Variants in SPG11 observed in about 807,000 individuals in gnomAD.
SPG11 encodes spatacsin.
In SPG11, 222 loss-of-function variants were observed where a neutral mutation model predicts 274.0. The observed-to-expected ratio is 0.81, with a 90% CI of 0.73 to 0.91. The LOEUF (loss-of-function observed/expected upper bound fraction) is 0.91, where lower values mean the gene tolerates loss of function less well. Ranked by LOEUF, SPG11 falls within the 40% of genes least tolerant of loss-of-function variation. SPG11 has a pLI of 0.00. For synonymous variants in SPG11, 1,144 were observed against 1,039.7 expected (o/e 1.10, Z -1.93); for missense variants, 3,114 against 2,872.7 (o/e 1.08, Z -1.92).
At position 44,643,214 on chromosome 15, in the gene SPG11, A is replaced by C. The variant is rs577316853; in HGVS notation, c.1602+5652T>G. Among the ~76,000 whole-genome samples, 116 of 152,306 alleles carry C rather than the reference A, an allele frequency of 7.6e-4. 3 individuals carry two copies. The South Asian group carries it at 0.024, about 31-fold the overall frequency. ...ACCTATGCCCATGTATAGCTGAGTT[A>C]GATTTCCTAACCTCTTTGTGCTTCA... On this transcript the variant is annotated intron_variant, in intron 7 of 39. Transcript: ENST00000261866.
intron 33 of SPG11, 74 bp downstream of exon 33, chr15:44,572,609 G>A (rs2140926695): frequency 1.9e-6 from 3 of 1,545,980 alleles, no homozygotes; most frequent in Non-Finnish European, 2.7e-6. Flanking sequence ...CCCAAATCAA[G>A]TTTTGGAGAG....
intron 20 of SPG11, among the ~76,000 whole-genome samples, chr15:44,602,751 G>A (rs1005581816): frequency 6.6e-6 from 1 of 151,762 alleles, no homozygotes; most frequent in African/African-American, 2.4e-5. Context: ...CAAAGTGCTG[G>A]GATTATAGGC....
intron 4 of SPG11, among the ~76,000 whole-genome samples, chr15:44,655,513 C>T (rs1336379006): frequency 6.6e-6 from 1 of 152,208 alleles, no homozygotes; most frequent in African/African-American, 2.4e-5. Flanking sequence ...ATCTTGTAAA[C>T]AGATTATGTA....
At chr15:44,563,340 TTTTTGTTTTG>T (rs762124198) in intron 39 of SPG11, 39 bp from the exon 40 acceptor site, 23 of 1,589,796 alleles carry the variant, frequency 1.4e-5, no homozygotes, top group Non-Finnish European at 1.6e-5. Flanking sequence ...AAGATACTGT[TTTTTGTTTTG>T]TTTTGTTTGA....
intron 10 of SPG11, among the ~76,000 whole-genome samples, chr15:44,627,878 C>T (rs185015371): frequency 1.6e-4 from 25 of 152,266 alleles, no homozygotes; most frequent in African/African-American, 4.3e-4. Context: ...CGTGAGCCAC[C>T]GTACCCGGAT....
chr15:44,646,598 T>C (rs112234220), intron 7 of SPG11, among the ~76,000 whole-genome samples: 7,154 of 152,178 alleles, frequency 0.047, 434 homozygotes, highest in African/African-American at 0.13. Flanking sequence ...CCATATCAAC[T>C]GGATAAAGAA....
At position 44,573,651 on chromosome 15, in the gene SPG11, C is replaced by T. The variant is rs750101301; in HGVS notation, c.6101G>A (p.Arg2034Gln). Residue 2034 changes from arginine (R) to glutamine (Q), a missense_variant, in exon 32 of 40, where the codon CGA becomes CAA. By Grantham distance (43) the Arg-to-Gln change is conservative. Coordinates refer to ENST00000261866, the MANE Select transcript of SPG11 (RefSeq NM_025137.4). ...CTGTGTGCTGATGAAGGCCTGGGCT[C>T]GTTTGCATCGGTCAGGCTGCTGAGA... ...LASQQPDRCK[R>Q]AQAFISTQGL... The T allele has an allele frequency of 1.7e-5, 28 of 1,614,058 alleles. 1 individual carries two copies. Among genetic ancestry groups the T allele is most frequent in the South Asian group, 6.6e-5 (6 of 91,086 alleles).
rs147645643 is a variant in SPG11 at position 44,584,785 on chromosome 15, A to G, written c.5122-227T>C. ...GCTGGGACCACAGGTGTGTGCCATC[A>G]TGCCTGGCTAATTTTTAATTTTTTG... On this transcript the variant is annotated intron_variant, in intron 29 of 39. Transcript: ENST00000261866. Among the ~76,000 whole-genome samples the G allele has an allele frequency of 4.2e-3, 636 of 152,192 alleles. 4 individuals are homozygous for G. The highest frequency in any genetic ancestry group is 0.015 in the African/African-American group (615 of 41,502).
intron 35 of SPG11, among the ~76,000 whole-genome samples, chr15:44,568,524 G>A (rs1026899275): frequency 1.3e-5 from 2 of 152,224 alleles, no homozygotes; most frequent in Non-Finnish European, 2.9e-5. Flanking sequence ...AACAGGTACT[G>A]TGAGGAGTAT....
At chr15:44,639,400 C>A (rs183853105) in intron 7 of SPG11, among the ~76,000 whole-genome samples, 1 of 151,914 alleles carries the variant, frequency 6.6e-6, no homozygotes, top group African/African-American at 2.4e-5. Context: ...ACCCTAGTAC[C>A]CCAATTAAGA....
At chr15:44,569,580 G>C in intron 34 of SPG11, 75 bp from the exon 35 acceptor site, 1 of 1,176,952 alleles carries the variant, frequency 8.5e-7, no homozygotes, top group Non-Finnish European at 1.2e-6. Flanking sequence ...ACTACCATCA[G>C]TGGTTGCTTT....
Position 44,595,333 on chromosome 15 carries a change from AAAG to A in SPG11, c.4558_4560del (p.Leu1520del). The A allele has an allele frequency of 1.2e-6, 2 of 1,614,234 alleles. No individual in the cohort carries two copies. The highest frequency in any genetic ancestry group is 1.7e-6 in the Non-Finnish European group (2 of 1,180,036). On this transcript the variant is annotated inframe_deletion, in exon 26 of 40. Coordinates refer to ENST00000261866, the MANE Select transcript of SPG11 (RefSeq NM_025137.4). ...GTTAATAATGTTCTCCAGATGACTG[AAAG>A]ATCCTCAAGGTTCCAGGTATGGTCC...
At chr15:44,606,697 C>T (rs1205274246) in intron 19 of SPG11, among the ~76,000 whole-genome samples, 1 of 151,872 alleles carries the variant, frequency 6.6e-6, no homozygotes, top group Non-Finnish European at 1.5e-5. Flanking sequence ...AGGAAAAAAA[C>T]AGAACAAAAA....
chr15:44,637,621 T>A (rs2084316749), intron 7 of SPG11, among the ~76,000 whole-genome samples: 1 of 152,140 alleles, frequency 6.6e-6, no homozygotes, highest in Non-Finnish European at 1.5e-5. Context: ...GGAAAATACA[T>A]TTTCAATTTT....
chr15:44,633,519 T>C lies in SPG11; in HGVS notation c.1721A>G (p.His574Arg), dbSNP rs1555457572. 6.3e-7 allele frequency: 1 copy of C among 1,596,814 alleles called. No homozygotes were observed. Among genetic ancestry groups the C allele is most frequent in the Non-Finnish European group, 8.6e-7 (1 of 1,167,662 alleles). ...ATTCCACTTACTTCTTAAATATAAA[T>C]GGGATGACAAGTGATCAAACTGATC... ...VSDQFDHLSSHLYLRNVEELI... is the reference protein window; with the variant it reads ...VSDQFDHLSSRLYLRNVEELI... Residue 574 changes from histidine (H) to arginine (R), a missense_variant, in exon 8 of 40, where the codon CAT becomes CGT. Physicochemically the swap from His to Arg is conservative, Grantham distance 29. Transcript: ENST00000261866.
At chr15:44,660,020 C>T (rs1321214079) in intron 2 of SPG11, among the ~76,000 whole-genome samples, 2 of 151,922 alleles carry the variant, frequency 1.3e-5, no homozygotes, top group Non-Finnish European at 2.9e-5. Context: ...GAGATGGCAC[C>T]ACTGCACTCC....
intron 23 of SPG11, 128 bp from the exon 24 acceptor site, chr15:44,597,071 T>A: frequency 6.9e-6 from 5 of 719,816 alleles, no homozygotes; most frequent in Non-Finnish European, 9.0e-6. Context: ...CTCCAACAAA[T>A]ACTAAATATT....
Position 44,585,747 on chromosome 15 carries a change from C to T in SPG11, c.5010G>A (p.Gln1670=). The change falls in exon 29 of 40, where the codon CAG becomes CAA. Residue 1670 remains glutamine (Q), a synonymous_variant. Transcript: ENST00000261866. ...IITSYSIENL[Q]HECRSILERL... ...TTTCCAAAATAGATCTACATTCATG[C>T]TGAAGATTCTCAATGCTGTAGCTGG... 6.2e-7 allele frequency: 1 copy of T among 1,613,942 alleles called. No homozygotes were observed. The highest frequency in any genetic ancestry group is 8.5e-7 in the Non-Finnish European group (1 of 1,179,972).
At position 44,633,580 on chromosome 15, in the gene SPG11, T is replaced by G. The variant is rs1461499002; in HGVS notation, c.1660A>C (p.Asn554His). ...GATTTTGAGGATGGATTAAAAAGAT[T>G]TTCCTTGCTCTTCAAAAAGAAATTT... ...TVNFFLKSKE[N>H]LFNPSSKSSV... Residue 554 changes from asparagine (N) to histidine (H), a missense_variant, in exon 8 of 40, where the codon AAT (asparagine) becomes CAT (histidine). Transcript: ENST00000261866. The G allele has an allele frequency of 2.5e-6, 4 of 1,613,306 alleles. No individual in the cohort carries two copies. The African/African-American group carries it at 5.3e-5, about 22-fold the overall frequency.
Sources: gnomAD v4.1 joint callset for allele counts (sites outside exome capture counted in the v4.1 genomes callset) on GRCh38, gnomAD v4.1.1 for gene constraint, MANE v1.5 for transcripts, NCBI Gene and HGNC (gene_info 2026-07-23, HGNC 2026-07-21) for gene names.